Variants in LRFN5 observed in about 807,000 individuals in gnomAD.
The protein encoded by LRFN5 is leucine-rich repeat and fibronectin type-III domain-containing protein 5.
In LRFN5, 24 loss-of-function variants were observed where a neutral mutation model predicts 45.6. That is an observed-to-expected ratio of 0.53 (90% CI 0.38 to 0.74). The LOEUF is 0.74. LRFN5 is among the 30% of genes least tolerant of loss of function. The probability of loss-of-function intolerance (pLI) is 0.00; values close to 1 mark genes in which losing one functional copy is unlikely to be tolerated. For missense variants in LRFN5, 776 were observed against 861.5 expected (o/e 0.90, Z 1.24); for synonymous variants, 340 against 313.8 (o/e 1.08, Z -0.88).
chr14:41,831,688 C>T (rs1237462268), intron 2 of LRFN5, among the ~76,000 whole-genome samples: 1 of 152,140 alleles, frequency 6.6e-6, no homozygotes, highest in Non-Finnish European at 1.5e-5. Context: ...TTACAACTAC[C>T]ACTGTCCTTT....
intron 2 of LRFN5, among the ~76,000 whole-genome samples, chr14:41,876,934 A>G (rs1246944052): frequency 7.2e-5 from 11 of 152,170 alleles, no homozygotes; most frequent in Admixed American, 5.2e-4. Context: ...TTGTAAAGAG[A>G]GACAAAGAAA....
At chr14:41,682,705 T>C (rs1881956306) in intron 1 of LRFN5, among the ~76,000 whole-genome samples, 2 of 152,162 alleles carry the variant, frequency 1.3e-5, no homozygotes, top group Admixed American at 1.3e-4. Flanking sequence ...AAGAAATGGA[T>C]ACATTCCTAG....
chr14:41,630,166 A>G (rs1327806831), intron 1 of LRFN5, among the ~76,000 whole-genome samples: 2 of 152,098 alleles, frequency 1.3e-5, no homozygotes, highest in Non-Finnish European at 2.9e-5. Flanking sequence ...ATGCTAAGCA[A>G]AAGATTCACT....
chr14:41,683,192 C>T (rs755879933), intron 1 of LRFN5, among the ~76,000 whole-genome samples: 7 of 152,208 alleles, frequency 4.6e-5, no homozygotes, highest in Non-Finnish European at 5.9e-5. Flanking sequence ...TGTGATACAT[C>T]GTATCAATAG....
At chr14:41,833,770 A>G (rs1274881606) in intron 2 of LRFN5, among the ~76,000 whole-genome samples, 1 of 152,178 alleles carries the variant, frequency 6.6e-6, no homozygotes, top group East Asian at 1.9e-4. Context: ...TATGATAACC[A>G]TCTCCTAGTT....
intron 1 of LRFN5, among the ~76,000 whole-genome samples, chr14:41,683,528 A>G (rs1452039584): frequency 6.6e-6 from 1 of 152,198 alleles, no homozygotes; most frequent in Non-Finnish European, 1.5e-5. Flanking sequence ...TTTGCAAATG[A>G]TATGATCTTA....
At chr14:41,688,594 C>A (rs1180666843) in intron 1 of LRFN5, among the ~76,000 whole-genome samples, 2 of 147,894 alleles carry the variant, frequency 1.4e-5, no homozygotes, top group African/African-American at 2.5e-5. Flanking sequence ...AAATTTAAAC[C>A]AAACAATTCT....
intron 1 of LRFN5, among the ~76,000 whole-genome samples, chr14:41,614,085 G>T (rs972925851): frequency 2.0e-5 from 3 of 151,984 alleles, no homozygotes; most frequent in Non-Finnish European, 4.4e-5. Flanking sequence ...ATAGGATGTG[G>T]TACTTTTCTT....
intron 2 of LRFN5, among the ~76,000 whole-genome samples, chr14:41,848,706 C>A (rs1433309965): frequency 6.6e-6 from 1 of 151,992 alleles, no homozygotes; most frequent in Admixed American, 6.6e-5. Context: ...TGTAAGTGAG[C>A]ATTTCATAGA....
intron 1 of LRFN5, among the ~76,000 whole-genome samples, chr14:41,674,396 TC>T (rs1269685132): frequency 2.3e-4 from 30 of 131,042 alleles, no homozygotes; most frequent in South Asian, 1.1e-3. Context: ...CCCACCTCCC[TC>T]CCGGACGGGG....
intron 2 of LRFN5, among the ~76,000 whole-genome samples, chr14:41,844,185 C>T (rs1396233331): frequency 6.6e-6 from 1 of 152,064 alleles, no homozygotes; most frequent in Non-Finnish European, 1.5e-5. Flanking sequence ...CGCCTGTAAT[C>T]CTAACACTTT....
At chr14:41,786,316 T>TCCTC (rs1886718322) in intron 2 of LRFN5, among the ~76,000 whole-genome samples, 1 of 152,084 alleles carries the variant, frequency 6.6e-6, no homozygotes, top group African/African-American at 2.4e-5. Context: ...AGTCCACAGG[T>TCCTC]GATGAATTTC....
At chr14:41,646,391 T>C (rs1343963543) in intron 1 of LRFN5, among the ~76,000 whole-genome samples, 1 of 152,174 alleles carries the variant, frequency 6.6e-6, no homozygotes, top group African/African-American at 2.4e-5. Flanking sequence ...CCTGGTACTA[T>C]CCTGTCTATT....
rs28498328 is a variant in LRFN5 at position 41,650,900 on chromosome 14, G to A, written c.-197+42338G>A. Among the ~76,000 whole-genome samples, 166 of 91,230 alleles carry A rather than the reference G, an allele frequency of 1.8e-3. 1 individual carries two copies. The highest frequency in any genetic ancestry group is 4.9e-3 in the East Asian group (14 of 2,832). The allele number at this position is 91,230 out of a possible 152,430, so 59.9% of individuals were successfully genotyped here. A position where few individuals can be genotyped will look rare whatever the true frequency, so the allele number is the denominator to read the frequency against. ...GAGACAGAGAAAGAGAGAGAGAGAG[G>A]GAGGGAGGGAGGGAGGGAGGGAGGG... On this transcript the variant is annotated intron_variant, in intron 1 of 5. Coordinates refer to ENST00000298119, the MANE Select transcript of LRFN5 (RefSeq NM_152447.5).
intron 1 of LRFN5, among the ~76,000 whole-genome samples, chr14:41,721,406 T>G (rs570430652): frequency 5.3e-5 from 8 of 152,270 alleles, no homozygotes; most frequent in African/African-American, 1.9e-4. Context: ...TTTAATCTTG[T>G]TGTGAAGTTG....
intron 1 of LRFN5, chr14:41,609,976 T>G (rs1887674891): frequency 6.6e-6 from 1 of 152,498 alleles, no homozygotes; most frequent in Admixed American, 6.5e-5. Flanking sequence ...CAACTCCTCT[T>G]CGAGTCTGGG....
At chr14:41,633,815 A>T (rs1487298213) in intron 1 of LRFN5, among the ~76,000 whole-genome samples, 3 of 152,158 alleles carry the variant, frequency 2.0e-5, no homozygotes, top group Non-Finnish European at 4.4e-5. Flanking sequence ...CACCTAAAAT[A>T]ATGGAATAGA....
intron 2 of LRFN5, among the ~76,000 whole-genome samples, chr14:41,847,651 A>T (rs189827872): frequency 6.6e-6 from 1 of 152,158 alleles, no homozygotes; most frequent in East Asian, 1.9e-4. Context: ...CGATGAGAAA[A>T]TCAAAGTGAA....
At chr14:41,803,924 C>T (rs1196464807) in intron 2 of LRFN5, among the ~76,000 whole-genome samples, 1 of 152,102 alleles carries the variant, frequency 6.6e-6, no homozygotes, top group Non-Finnish European at 1.5e-5. Context: ...AGTGCAGTGG[C>T]ACGATCTAGG....
Sources: allele counts gnomAD v4.1 joint callset (sites outside exome capture counted in the v4.1 genomes callset), GRCh38; gene constraint gnomAD v4.1.1; transcripts MANE v1.5; gene names NCBI Gene and HGNC (gene_info 2026-07-23, HGNC 2026-07-21).